AGBL1: variants seen among roughly 807,000 people sequenced by gnomAD.
AGBL1 encodes the protein cytosolic carboxypeptidase 4.
Under a neutral mutation model 118.9 loss-of-function variants are expected in AGBL1, and 130 were observed. The observed-to-expected ratio is 1.09, with a 90% confidence interval of 0.95 to 1.26. The LOEUF (loss-of-function observed/expected upper bound fraction) is 1.26, where lower values mean the gene tolerates loss of function less well. Among genes scored for constraint, AGBL1 ranks in the 50% most tolerant of loss-of-function variants. The pLI is 0.00. For missense variants in AGBL1, 1,584 were observed against 1,298.1 expected, an observed-to-expected ratio of 1.22 and a Z score of -3.38; for synonymous variants, 555 against 478.9, an observed-to-expected ratio of 1.16 and a Z score of -2.08.
At chr15:86,381,638 A>G (rs2081113988) in intron 17 of AGBL1, among the ~76,000 whole-genome samples, 1 of 152,184 alleles carries the variant, frequency 6.6e-6, no homozygotes, top group Non-Finnish European at 1.5e-5. Flanking sequence ...GCACAGGAGA[A>G]CTTAATTCAG....
intron 22 of AGBL1, among the ~76,000 whole-genome samples, chr15:86,822,676 G>A (rs993020672): frequency 5.9e-5 from 9 of 152,138 alleles, no homozygotes; most frequent in South Asian, 2.1e-4. Context: ...GCTGACATAT[G>A]CAGTTTTTCA....
At chr15:86,393,418 A>T (rs1333851934) in intron 17 of AGBL1, among the ~76,000 whole-genome samples, 1 of 152,332 alleles carries the variant, frequency 6.6e-6, no homozygotes, top group African/African-American at 2.4e-5. Context: ...GAAAGCACTT[A>T]CTATTGTTGT....
chr15:87,011,673 G>A (rs2081561850), intron 24 of AGBL1, among the ~76,000 whole-genome samples: 1 of 152,186 alleles, frequency 6.6e-6, no homozygotes, highest in Non-Finnish European at 1.5e-5. Flanking sequence ...ATTCCCAAAG[G>A]AGGTGAGATA....
chr15:86,502,536 C>G (rs2082929597), intron 18 of AGBL1, among the ~76,000 whole-genome samples: 1 of 150,346 alleles, frequency 6.7e-6, no homozygotes, highest in Admixed American at 6.6e-5. Context: ...AATTTTCAGT[C>G]TTTTATCATT....
intron 22 of AGBL1, among the ~76,000 whole-genome samples, chr15:86,778,972 T>C (rs1032960064): frequency 6.6e-6 from 1 of 152,216 alleles, no homozygotes; most frequent in African/African-American, 2.4e-5. Flanking sequence ...GTCTGTGAAA[T>C]CTTCACAATT....
rs1449643593 is a variant in AGBL1 at position 86,817,640 on chromosome 15, CACACACAG to C, written c.3159-89439_3159-89432del. Among the ~76,000 whole-genome samples the C allele has an allele frequency of 4.1e-5, 6 of 146,240 alleles. 1 individual carries two copies. The highest frequency in any genetic ancestry group is 1.5e-4 in the African/African-American group (6 of 40,098). ...AGAGACAGGCATACACACACACACA[CACACACAG>C]ACACACACACACACACACAGAAAGA... On this transcript the variant is annotated intron_variant, in intron 22 of 22. Transcript: ENST00000614907.
At chr15:86,210,907 T>G (rs948274032) in intron 5 of AGBL1, among the ~76,000 whole-genome samples, 6 of 152,218 alleles carry the variant, frequency 3.9e-5, no homozygotes, top group African/African-American at 1.4e-4. Context: ...CTCTGGTTTT[T>G]AGAATTTTCA....
At chr15:86,368,773 A>G (rs772799996) in intron 17 of AGBL1, among the ~76,000 whole-genome samples, 1 of 152,222 alleles carries the variant, frequency 6.6e-6, no homozygotes, top group Non-Finnish European at 1.5e-5. Context: ...GTGGAGAAAC[A>G]GTATTATAAG....
intron 1 of AGBL1, among the ~76,000 whole-genome samples, chr15:86,123,253 G>A (rs1333587594): frequency 6.6e-6 from 1 of 151,932 alleles, no homozygotes; most frequent in African/African-American, 2.4e-5. Flanking sequence ...TGTTGTTGTC[G>A]TTTTGAGACA....
intron 22 of AGBL1, among the ~76,000 whole-genome samples, chr15:86,755,880 A>G (rs2141262326): frequency 6.6e-6 from 1 of 152,244 alleles, no homozygotes; most frequent in Non-Finnish European, 1.5e-5. Flanking sequence ...AGACTCTACC[A>G]GGGCAATCAG....
intron 18 of AGBL1, among the ~76,000 whole-genome samples, chr15:86,434,195 C>T (rs1030988994): frequency 4.6e-5 from 7 of 152,172 alleles, no homozygotes; most frequent in African/African-American, 1.4e-4. Context: ...GATTAATCAC[C>T]GTGGTGAAAG....
chr15:86,951,827 G>C (rs983697616), intron 23 of AGBL1, among the ~76,000 whole-genome samples: 2 of 152,130 alleles, frequency 1.3e-5, no homozygotes, highest in African/African-American at 4.8e-5. Context: ...CTATTGTTAA[G>C]TGTACACATG....
intron 18 of AGBL1, among the ~76,000 whole-genome samples, chr15:86,427,188 G>A (rs184045236): frequency 1.3e-4 from 20 of 152,294 alleles, no homozygotes; most frequent in East Asian, 7.7e-4. Flanking sequence ...CTGCATAAAA[G>A]TATTTTTTAT....
At chr15:86,342,910 G>T (rs1474678130) in intron 17 of AGBL1, among the ~76,000 whole-genome samples, 1 of 152,184 alleles carries the variant, frequency 6.6e-6, no homozygotes, top group Non-Finnish European at 1.5e-5. Context: ...TCCTATGAGA[G>T]CAGCATTTTG....
At chr15:86,360,500 T>C (rs1359436673) in intron 17 of AGBL1, among the ~76,000 whole-genome samples, 1 of 151,938 alleles carries the variant, frequency 6.6e-6, no homozygotes, top group Non-Finnish European at 1.5e-5. Context: ...GATGTTTGCT[T>C]ATAGTTTTCT....
chr15:86,320,282 A>G (rs1296420118), intron 17 of AGBL1, among the ~76,000 whole-genome samples: 1 of 152,078 alleles, frequency 6.6e-6, no homozygotes, highest in African/African-American at 2.4e-5. Context: ...AAGATTCTAC[A>G]ATTGGTTTCA....
chr15:87,028,886 C>A, exon 25 of AGBL1: 1 of 1,568,580 alleles, frequency 6.4e-7, no homozygotes, highest in Non-Finnish European at 8.8e-7. Context: ...ATGCCATGTG[C>A]CCAGCTCCTC....
At chr15:86,530,643 C>T (rs1276217443) in intron 19 of AGBL1, among the ~76,000 whole-genome samples, 5 of 151,890 alleles carry the variant, frequency 3.3e-5, no homozygotes, top group Admixed American at 1.3e-4. Flanking sequence ...CACCCCAAAT[C>T]AACAGAATAT....
At chr15:86,215,221 A>ATGTGTATGTG (rs766862249) in intron 5 of AGBL1, among the ~76,000 whole-genome samples, 1 of 124,774 alleles carries the variant, frequency 8.0e-6, no homozygotes, top group East Asian at 2.2e-4. Context: ...GTGTATATGT[A>ATGTGTATGTG]TGCGTGTGTG....
Sources: gnomAD v4.1 joint callset for allele counts (sites outside exome capture counted in the v4.1 genomes callset) on GRCh38, gnomAD v4.1.1 for gene constraint, MANE v1.5 for transcripts, NCBI Gene and HGNC (gene_info 2026-07-23, HGNC 2026-07-21) for gene names.